GRM8: variants seen among roughly 807,000 people sequenced by gnomAD.
The protein encoded by GRM8 is metabotropic glutamate receptor 8.
In GRM8, 47 loss-of-function variants were observed where a neutral mutation model predicts 87.2. The ratio of observed to expected loss-of-function variants is 0.54; its 90% CI spans 0.43 to 0.69. GRM8 has a LOEUF of 0.69. Ranked by LOEUF, GRM8 falls within the 30% of genes least tolerant of loss-of-function variation. The probability of loss-of-function intolerance (pLI) is 0.00; values close to 1 mark genes in which losing one functional copy is unlikely to be tolerated. For synonymous variants in GRM8, 396 were observed against 404.5 expected (o/e 0.98, Z 0.25); for missense variants, 1,019 against 1,139.2 (o/e 0.89, Z 1.52).
intron 3 of GRM8, among the ~76,000 whole-genome samples, chr7:126,913,538 A>T (rs959278000): frequency 1.1e-4 from 16 of 152,204 alleles, no homozygotes; most frequent in Non-Finnish European, 1.9e-4. Context: ...ATGCCTTCAG[A>T]TAATAGCAAT....
intron 7 of GRM8, among the ~76,000 whole-genome samples, chr7:126,651,409 T>C (rs1283064251): frequency 6.6e-6 from 1 of 152,202 alleles, no homozygotes; most frequent in Non-Finnish European, 1.5e-5. Flanking sequence ...AGGCTGTGTA[T>C]GCTCTGAATC....
At chr7:126,859,201 G>C (rs1797945296) in intron 6 of GRM8, among the ~76,000 whole-genome samples, 1 of 151,716 alleles carries the variant, frequency 6.6e-6, no homozygotes, top group East Asian at 1.9e-4. Context: ...CACCACGACA[G>C]GTCGAGTACC....
chr7:127,124,877 C>T (rs554548253), intron 2 of GRM8, among the ~76,000 whole-genome samples: 3 of 152,098 alleles, frequency 2.0e-5, no homozygotes, highest in South Asian at 4.1e-4. Flanking sequence ...ACCATATTAA[C>T]GGTATAAATA....
At chr7:127,013,373 C>T (rs1012372917) in intron 3 of GRM8, among the ~76,000 whole-genome samples, 1 of 152,140 alleles carries the variant, frequency 6.6e-6, no homozygotes, top group Non-Finnish European at 1.5e-5. Context: ...AGAATGACCT[C>T]ACCTCCACCT....
chr7:126,738,644 G>A (rs1242051965), intron 7 of GRM8, among the ~76,000 whole-genome samples: 4 of 149,512 alleles, frequency 2.7e-5, no homozygotes, highest in Admixed American at 1.3e-4. Context: ...AGAATCATCT[G>A]TATAGAAGAG....
intron 3 of GRM8, among the ~76,000 whole-genome samples, chr7:127,022,424 T>G (rs193092870): frequency 6.6e-6 from 1 of 152,182 alleles, no homozygotes; most frequent in East Asian, 1.9e-4. Flanking sequence ...TTTTTAAATT[T>G]AATGACTATA....
intron 9 of GRM8, among the ~76,000 whole-genome samples, chr7:126,520,824 C>G (rs1584923935): frequency 6.6e-6 from 1 of 152,124 alleles, no homozygotes; most frequent in East Asian, 1.9e-4. Context: ...CATTGCCAGT[C>G]TTCTTGCCAT....
chr7:126,800,913 T>C (rs1033204827), intron 6 of GRM8, among the ~76,000 whole-genome samples: 1 of 152,062 alleles, frequency 6.6e-6, no homozygotes, highest in African/African-American at 2.4e-5. Flanking sequence ...AAAAAGCAAA[T>C]AAATATCTTG....
chr7:126,686,718 G>A (rs1330793221), intron 7 of GRM8, among the ~76,000 whole-genome samples: 1 of 152,182 alleles, frequency 6.6e-6, no homozygotes, highest in Non-Finnish European at 1.5e-5. Flanking sequence ...CTCCCTTGGA[G>A]GCATAGGATC....
chr7:126,937,740 A>G (rs946053722), intron 3 of GRM8, among the ~76,000 whole-genome samples: 1 of 152,156 alleles, frequency 6.6e-6, no homozygotes, highest in African/African-American at 2.4e-5. Context: ...TTCCCTTTCC[A>G]AGTAGGGATT....
intron 3 of GRM8, among the ~76,000 whole-genome samples, chr7:127,081,529 C>G (rs931135088): frequency 6.6e-6 from 1 of 152,130 alleles, no homozygotes; most frequent in Non-Finnish European, 1.5e-5. Context: ...TGAGTTAATG[C>G]CTGTCTCTCT....
chr7:126,510,547 T>C (rs1171519465), intron 9 of GRM8, among the ~76,000 whole-genome samples: 1 of 152,146 alleles, frequency 6.6e-6, no homozygotes, highest in Non-Finnish European at 1.5e-5. Context: ...GAAATAAGCA[T>C]GTTTAAAGTG....
At chr7:126,641,522 T>C (rs1802382874) in intron 7 of GRM8, among the ~76,000 whole-genome samples, 1 of 152,146 alleles carries the variant, frequency 6.6e-6, no homozygotes, top group Admixed American at 6.5e-5. Flanking sequence ...AAGAGCAAGA[T>C]CATTTCTGCT....
At chr7:126,725,985 C>G (rs1431928778) in intron 7 of GRM8, among the ~76,000 whole-genome samples, 1 of 152,190 alleles carries the variant, frequency 6.6e-6, no homozygotes, top group Non-Finnish European at 1.5e-5. Flanking sequence ...CAGGCCCCAT[C>G]TCTAACACTA....
chr7:127,129,980 G>A (rs1827588745), intron 2 of GRM8, among the ~76,000 whole-genome samples: 1 of 152,102 alleles, frequency 6.6e-6, no homozygotes, highest in Non-Finnish European at 1.5e-5. Context: ...AACCTGGTGG[G>A]AGGTGATTGA....
At position 127,165,141 on chromosome 7, in the gene GRM8, GATATATATATATATATATATAT is replaced by G. The variant is rs3993578; in HGVS notation, c.511-58451_511-58430del. 3.0e-3 allele frequency among the ~76,000 whole-genome samples: 201 copies of G among 67,432 alleles called. 2 individuals are homozygous for G. In the East Asian group the frequency reaches 0.041, roughly 14 times the overall value. The allele number at this position is 67,432 out of a possible 152,430, so 44.2% of individuals were successfully genotyped here. On this transcript the variant is annotated intron_variant, in intron 2 of 10. Coordinates refer to ENST00000339582, the MANE Select transcript of GRM8 (RefSeq NM_000845.3). The stretch of plus-strand genomic sequence containing the variant: ...GAGGCAGATAATAAACATGTAAACA[GATATATATATATATATATATAT>G]ATATATATATATATATATATATATA...
intron 8 of GRM8, among the ~76,000 whole-genome samples, chr7:126,594,175 A>G (rs557593195): frequency 6.6e-6 from 1 of 152,202 alleles, no homozygotes; most frequent in Non-Finnish European, 1.5e-5. Context: ...GGAAAATAAT[A>G]TGAAGATTCC....
At chr7:126,671,285 C>T (rs569860116) in intron 7 of GRM8, among the ~76,000 whole-genome samples, 1 of 152,276 alleles carries the variant, frequency 6.6e-6, no homozygotes, top group East Asian at 1.9e-4. Context: ...AAACCCATGG[C>T]TGGGCTTGGC....
chr7:126,504,162 A>G (rs1810064838), intron 9 of GRM8, among the ~76,000 whole-genome samples: 1 of 152,044 alleles, frequency 6.6e-6, no homozygotes, highest in African/African-American at 2.4e-5. Context: ...TTGGAAATGT[A>G]CACGTGATTT....
Sources: allele counts gnomAD v4.1 joint callset (sites outside exome capture counted in the v4.1 genomes callset), GRCh38; gene constraint gnomAD v4.1.1; transcripts MANE v1.5; gene names NCBI Gene and HGNC (gene_info 2026-07-23, HGNC 2026-07-21).